Variants in PRR16 observed in about 807,000 individuals in gnomAD.
PRR16 encodes the protein protein Largen.
PRR16 carries 6 observed loss-of-function variants against 18.2 expected under a neutral mutation model. The ratio of observed to expected loss-of-function variants is 0.33; its 90% confidence interval spans 0.18 to 0.65. PRR16 has a LOEUF of 0.65. Among genes scored for constraint, PRR16 ranks in the 30% least tolerant of loss-of-function variants. The pLI, the probability that PRR16 is intolerant of heterozygous loss-of-function variation, is 0.74. For missense variants in PRR16, 412 were observed against 376.6 expected (o/e 1.09, Z -0.78); for synonymous variants, 151 against 147.8 (o/e 1.02, Z -0.16).
the PRR16 span, among the ~76,000 whole-genome samples, chr5:120,727,137 T>G: frequency 6.6e-6 from 1 of 152,052 alleles, no homozygotes; most frequent in Admixed American, 6.6e-5. Context: ...TTCTAAGACT[T>G]CACTCACTGG....
At chr5:120,599,258 GCATAAGTCGTA>G (rs1156685753) in intron 1 of PRR16, among the ~76,000 whole-genome samples, 1 of 151,628 alleles carries the variant, frequency 6.6e-6, no homozygotes, top group Non-Finnish European at 1.5e-5. Flanking sequence ...CAAAACCATT[GCATAAGTCGTA>G]CATAAAAATG....
At chr5:120,777,119 G>A in the PRR16 span, among the ~76,000 whole-genome samples, 1 of 151,906 alleles carries the variant, frequency 6.6e-6, no homozygotes, top group African/African-American at 2.4e-5. Context: ...AATTAGTGGA[G>A]GTTAACACCA....
chr5:120,695,733 G>A, the PRR16 span, among the ~76,000 whole-genome samples: 1 of 151,914 alleles, frequency 6.6e-6, no homozygotes, highest in Non-Finnish European at 1.5e-5. Context: ...CCAATCTAGC[G>A]ACCCCAATAC....
At chr5:120,742,069 A>T in the PRR16 span, among the ~76,000 whole-genome samples, 3 of 151,954 alleles carry the variant, frequency 2.0e-5, no homozygotes, top group Admixed American at 2.0e-4. Context: ...ATACATCTTC[A>T]TTTATTTACA....
At chr5:120,737,962 A>G in the PRR16 span, among the ~76,000 whole-genome samples, 1 of 152,242 alleles carries the variant, frequency 6.6e-6, no homozygotes, top group East Asian at 1.9e-4. Flanking sequence ...ATTGATGTTG[A>G]GAAATTTGTT....
At chr5:120,638,681 C>T (rs996127215) in intron 1 of PRR16, among the ~76,000 whole-genome samples, 1 of 152,084 alleles carries the variant, frequency 6.6e-6, no homozygotes, top group Middle Eastern at 3.2e-3. Flanking sequence ...TTTTTAAACA[C>T]AGATTCACGC....
chr5:120,667,262 C>A (rs1315374789), intron 1 of PRR16, among the ~76,000 whole-genome samples: 1 of 152,030 alleles, frequency 6.6e-6, no homozygotes, highest in South Asian at 2.1e-4. Context: ...GTAGTATTCT[C>A]TGATGGTAGT....
chr5:120,785,237 G>T, the PRR16 span, among the ~76,000 whole-genome samples: 1 of 152,064 alleles, frequency 6.6e-6, no homozygotes, highest in Non-Finnish European at 1.5e-5. Context: ...TTCTAACTCT[G>T]CAAAGTGACA....
Position 120,679,263 on chromosome 5 carries a change from C to T in PRR16, c.160-6691C>T, listed in dbSNP as rs2096133091. 2.6e-5 allele frequency among the ~76,000 whole-genome samples: 4 copies of T among 152,034 alleles called. No homozygotes were observed. In the South Asian group the frequency reaches 8.3e-4, roughly 32 times the overall value. On this transcript the variant is annotated intron_variant, in intron 1 of 1. Coordinates refer to ENST00000407149, the MANE Select transcript of PRR16 (RefSeq NM_001300783.2). ...TTTCAAGTTTCAGATACATTTTTTT[C>T]TAGATACCTGATGTTTAGTTGTGGA... is the stretch of plus-strand genomic sequence containing the variant.
At chr5:120,584,479 AT>A (rs1162072386) in intron 1 of PRR16, among the ~76,000 whole-genome samples, 1 of 152,088 alleles carries the variant, frequency 6.6e-6, no homozygotes, top group Non-Finnish European at 1.5e-5. Flanking sequence ...AATTGCTAAA[AT>A]TTTTTCTTGC....
At chr5:120,751,324 G>T in the PRR16 span, among the ~76,000 whole-genome samples, 1 of 152,114 alleles carries the variant, frequency 6.6e-6, no homozygotes, top group African/African-American at 2.4e-5. Flanking sequence ...GTAATTCTAT[G>T]TTTAGTTTTT....
intron 1 of PRR16, chr5:120,618,392 T>G (rs1280325977): frequency 3.6e-6 from 3 of 828,860 alleles, no homozygotes; most frequent in Non-Finnish European, 2.9e-6. Flanking sequence ...ATGTAATAAG[T>G]AAACTATTTT....
rs368628798 is a variant in PRR16 at position 120,567,945 on chromosome 5, T to C, written c.159+103300T>C. 1.1e-3 allele frequency among the ~76,000 whole-genome samples: 161 copies of C among 152,158 alleles called. 2 individuals carry two copies. The highest frequency in any genetic ancestry group is 7.9e-4 in the Admixed American group (12 of 15,260). On this transcript the variant is annotated intron_variant, in intron 1 of 1. Coordinates refer to ENST00000407149, the MANE Select transcript of PRR16 (RefSeq NM_001300783.2). ...CCTCTCTTACCCAGGTCCACTCCAC[T>C]TTCCACCCATCCCACTCAGGCCTAA...
intron 1 of PRR16, among the ~76,000 whole-genome samples, chr5:120,590,823 T>C (rs550102858): frequency 6.6e-6 from 1 of 152,256 alleles, no homozygotes; most frequent in South Asian, 2.1e-4. Flanking sequence ...TTAGCTGTTA[T>C]TATAAATATG....
At chr5:120,546,954 T>G (rs1217437617) in intron 1 of PRR16, among the ~76,000 whole-genome samples, 1 of 152,062 alleles carries the variant, frequency 6.6e-6, no homozygotes, top group Non-Finnish European at 1.5e-5. Flanking sequence ...TCACTCTTAG[T>G]TACATGCCAA....
At chr5:120,698,635 G>A in the PRR16 span, among the ~76,000 whole-genome samples, 1 of 152,002 alleles carries the variant, frequency 6.6e-6, no homozygotes, top group African/African-American at 2.4e-5. Flanking sequence ...TGTCTGGAAT[G>A]AGACTGGGGC....
the PRR16 span, among the ~76,000 whole-genome samples, chr5:120,732,205 TGAAC>T: frequency 6.6e-6 from 1 of 152,202 alleles, no homozygotes; most frequent in Non-Finnish European, 1.5e-5. Flanking sequence ...AGAATTATAA[TGAAC>T]AATTAATTTA....
intron 1 of PRR16, among the ~76,000 whole-genome samples, chr5:120,674,510 G>C (rs1756728504): frequency 6.6e-6 from 1 of 152,160 alleles, no homozygotes; most frequent in Non-Finnish European, 1.5e-5. Flanking sequence ...GAAGTTACTA[G>C]CAAAATGTCT....
rs1197709317 is a variant in PRR16, at chr5:120,641,289, C to T, written c.160-44665C>T. Among the ~76,000 whole-genome samples the T allele has an allele frequency of 6.6e-5, 10 of 152,090 alleles. No homozygotes were observed. The East Asian group carries it at 1.2e-3, about 18-fold the overall frequency. On this transcript the variant is annotated intron_variant, in intron 1 of 1. Coordinates refer to ENST00000407149, the MANE Select transcript of PRR16 (RefSeq NM_001300783.2). The stretch of plus-strand genomic sequence containing the variant: ...GGGATCAACAGTTAAGTTTTGATAC[C>T]TGGTCTGCTGGTGCTAACAGATTAA...
Sources: gnomAD v4.1 joint callset for allele counts (sites outside exome capture counted in the v4.1 genomes callset) on GRCh38, gnomAD v4.1.1 for gene constraint, MANE v1.5 for transcripts, NCBI Gene and HGNC (gene_info 2026-07-23, HGNC 2026-07-21) for gene names.